GRIK1: variants seen among roughly 807,000 people sequenced by gnomAD.
GRIK1 encodes glutamate receptor ionotropic, kainate 1.
A neutral mutation model predicts 105.7 loss-of-function variants in GRIK1; 69 were observed. That is an observed-to-expected ratio of 0.65 (90% CI 0.54 to 0.80). The LOEUF (loss-of-function observed/expected upper bound fraction) is 0.80, where lower values mean the gene tolerates loss of function less well. Ranked by LOEUF, GRIK1 falls within the 30% of genes least tolerant of loss-of-function variation. The pLI is 0.00. For synonymous variants in GRIK1, 438 were observed against 431.3 expected (o/e 1.02, Z -0.19); for missense variants, 1,109 against 1,167.3 (o/e 0.95, Z 0.73).
Position 29,689,748 on chromosome 21 carries a change from A to G in GRIK1, c.524T>C (p.Val175Ala), listed in dbSNP as rs774444821. The G allele has an allele frequency of 1.2e-6, 2 of 1,613,938 alleles. No homozygotes were observed. Among genetic ancestry groups the G allele is most frequent in the South Asian group, 1.1e-5 (1 of 91,062 alleles). ...CATACCTGTGCTGTCTTCATACACC[A>G]CTGTCACTGTTTTCCAGTTGTAATA... ...VLYYNWKTVT[V>A]VYEDSTGLIR... is the part of the protein sequence containing the mutation. Residue 175 changes from valine (V) to alanine (A), a missense_variant, in exon 3 of 18, where the codon GTG becomes GCG. Physicochemically the swap from Val to Ala is moderately conservative, Grantham distance 64. Coordinates refer to ENST00000327783, the MANE Select transcript of GRIK1 (RefSeq NM_001330994.2).
chr21:29,651,054 T>G (rs562662444), intron 6 of GRIK1, 64 bp downstream of exon 6: 87 of 1,193,494 alleles, frequency 7.3e-5, no homozygotes, highest in Non-Finnish European at 9.5e-5. Context: ...TAAAGATACG[T>G]GAGATCTTAA....
At chr21:29,603,508 T>C (rs2061557509) in intron 7 of GRIK1, among the ~76,000 whole-genome samples, 1 of 152,188 alleles carries the variant, frequency 6.6e-6, no homozygotes, top group African/African-American at 2.4e-5. Context: ...ATCATGTCTC[T>C]GCAATGGGAC....
intron 1 of GRIK1, among the ~76,000 whole-genome samples, chr21:29,923,895 C>A (rs1383939521): frequency 6.6e-6 from 1 of 152,066 alleles, no homozygotes; most frequent in Non-Finnish European, 1.5e-5. Context: ...TTATTACTGA[C>A]CAGACCAAGA....
At chr21:29,707,013 C>G (rs1033360421) in intron 1 of GRIK1, among the ~76,000 whole-genome samples, 2 of 152,090 alleles carry the variant, frequency 1.3e-5, no homozygotes, top group African/African-American at 2.4e-5. Flanking sequence ...TACAGGTGCC[C>G]GCCACCGCGC....
rs575540190 is a variant in GRIK1 at position 29,752,321 on chromosome 21, C to T, written c.119-58258G>A. On this transcript the variant is annotated intron_variant, in intron 1 of 17. Transcript: ENST00000327783. ...CAGTAGCTTTCCTGTTCAGTCACTT[C>T]CCCCTAATTTAACTATAAGAACAAG... Among the ~76,000 whole-genome samples, 244 of 152,226 alleles carry T rather than the reference C, an allele frequency of 1.6e-3. 3 individuals carry two copies. Among genetic ancestry groups the T allele is most frequent in the African/African-American group, 5.3e-3 (222 of 41,544 alleles).
intron 9 of GRIK1, among the ~76,000 whole-genome samples, chr21:29,592,441 T>C (rs1007916802): frequency 6.6e-6 from 1 of 152,152 alleles, no homozygotes; most frequent in African/African-American, 2.4e-5. Context: ...GGTGTAGAAG[T>C]GTATTGATTC....
intron 1 of GRIK1, among the ~76,000 whole-genome samples, chr21:29,878,189 A>T (rs143420397): frequency 1.3e-5 from 2 of 152,268 alleles, no homozygotes; most frequent in African/African-American, 4.8e-5. Flanking sequence ...CTGACTAGTG[A>T]TTAAATGACT....
chr21:29,564,360 G>C (rs1224281756), intron 14 of GRIK1, among the ~76,000 whole-genome samples: 1 of 152,016 alleles, frequency 6.6e-6, no homozygotes. Flanking sequence ...TTTTAGCCGG[G>C]ATGGTCTCGA....
chr21:29,893,743 C>A (rs2069998021), intron 1 of GRIK1, among the ~76,000 whole-genome samples: 1 of 152,098 alleles, frequency 6.6e-6, no homozygotes, highest in South Asian at 2.1e-4. Flanking sequence ...AATTCAGAGT[C>A]TAGGCAGATG....
chr21:29,606,331 GT>G (rs2061615447), intron 7 of GRIK1, among the ~76,000 whole-genome samples: 1 of 151,986 alleles, frequency 6.6e-6, no homozygotes, highest in Non-Finnish European at 1.5e-5. Flanking sequence ...GGATATGCCG[GT>G]TTTTTACACA....
At chr21:29,619,032 A>G (rs746776862) in intron 7 of GRIK1, among the ~76,000 whole-genome samples, 2 of 151,530 alleles carry the variant, frequency 1.3e-5, no homozygotes, top group Non-Finnish European at 2.9e-5. Flanking sequence ...AGGCTGAGGC[A>G]GGAGAAAAGC....
intron 15 of GRIK1, among the ~76,000 whole-genome samples, chr21:29,560,696 G>A (rs1743040713): frequency 6.6e-6 from 1 of 150,566 alleles, no homozygotes; most frequent in Admixed American, 6.7e-5. Flanking sequence ...CCACCTCCCG[G>A]GTTCAAATGA....
At chr21:29,690,790 G>T (rs2063570523) in intron 2 of GRIK1, among the ~76,000 whole-genome samples, 1 of 152,146 alleles carries the variant, frequency 6.6e-6, no homozygotes, top group Non-Finnish European at 1.5e-5. Context: ...AGAGAATTTA[G>T]AATATTTAAA....
intron 4 of GRIK1, among the ~76,000 whole-genome samples, chr21:29,656,275 C>A (rs989641374): frequency 7.3e-6 from 1 of 137,570 alleles, no homozygotes; most frequent in East Asian, 2.4e-4. Flanking sequence ...GGCAGGAGAA[C>A]GGCGTGAACC....
At chr21:29,624,068 A>T (rs1300857247) in intron 7 of GRIK1, among the ~76,000 whole-genome samples, 1 of 152,236 alleles carries the variant, frequency 6.6e-6, no homozygotes. Flanking sequence ...AACTTAGTAG[A>T]GGTTCAAAAT....
At chr21:29,579,150 T>C (rs181961490) in intron 13 of GRIK1, among the ~76,000 whole-genome samples, 3 of 152,284 alleles carry the variant, frequency 2.0e-5, no homozygotes, top group African/African-American at 7.2e-5. Flanking sequence ...TTGGATAAAG[T>C]TACCTTAGAA....
chr21:29,665,454 T>C (rs747155774), intron 4 of GRIK1, among the ~76,000 whole-genome samples: 1 of 152,168 alleles, frequency 6.6e-6, no homozygotes, highest in Non-Finnish European at 1.5e-5. Flanking sequence ...TTAGTATAAA[T>C]TGAGATTCAT....
chr21:29,752,837 C>T (rs2065239977), intron 1 of GRIK1, among the ~76,000 whole-genome samples: 1 of 151,920 alleles, frequency 6.6e-6, no homozygotes, highest in African/African-American at 2.4e-5. Context: ...GGCCCTGCCT[C>T]CAAAAAAATA....
At chr21:29,724,987 A>G (rs1271656088) in intron 1 of GRIK1, among the ~76,000 whole-genome samples, 1 of 149,944 alleles carries the variant, frequency 6.7e-6, no homozygotes, top group East Asian at 2.0e-4. Flanking sequence ...AGCTACTGAA[A>G]CCTTGGTCCC....
Sources: allele counts gnomAD v4.1 joint callset (sites outside exome capture counted in the v4.1 genomes callset), GRCh38; gene constraint gnomAD v4.1.1; transcripts MANE v1.5; gene names NCBI Gene and HGNC (gene_info 2026-07-23, HGNC 2026-07-21).